Variants in SLC44A5 observed in about 807,000 individuals in gnomAD.
SLC44A5 encodes solute carrier family 44 member 5, also known as choline transporter-like protein 5.
In SLC44A5, 57 loss-of-function variants were observed where a neutral mutation model predicts 101.8. That is an observed-to-expected ratio of 0.56 (90% CI 0.45 to 0.70). The LOEUF (loss-of-function observed/expected upper bound fraction) is 0.70. Among genes scored for constraint, SLC44A5 ranks in the 30% least tolerant of loss-of-function variants. The pLI is 0.00. For missense variants in SLC44A5, 737 were observed against 853.1 expected, an observed-to-expected ratio of 0.86 and a Z score of 1.70; for synonymous variants, 281 against 290.9, an observed-to-expected ratio of 0.97 and a Z score of 0.35.
At chr1:75,264,413 T>C (rs1650818047) in intron 6 of SLC44A5, among the ~76,000 whole-genome samples, 1 of 152,242 alleles carries the variant, frequency 6.6e-6, no homozygotes, top group African/African-American at 2.4e-5. Context: ...GGACAACTTG[T>C]GTGATTATAA....
Position 75,203,228 on chromosome 1 carries a change from A to ATACT in SLC44A5, c.*495_*498dup, listed in dbSNP as rs1646692184. ...CAATTTGTTTAAGAGGAAACATTCTATACTTAAAGAGAGCAAACTCTCAAC... is the reference window on the plus strand; with the variant it reads ...CAATTTGTTTAAGAGGAAACATTCTATACTTACTTAAAGAGAGCAAACTCTCAAC... On this transcript the variant is annotated 3_prime_UTR_variant, in exon 24 of 24. Transcript: ENST00000370859. 1 of 152,224 alleles carries ATACT rather than the reference A, an allele frequency of 6.6e-6. No individual in the cohort carries two copies. The highest frequency in any genetic ancestry group is 1.5e-5 in the Non-Finnish European group (1 of 68,054). The allele number at this position is 152,224 out of a possible 1,614,324, so 9.4% of individuals were successfully genotyped here. A position where few individuals can be genotyped will look rare whatever the true frequency, so the allele number is the denominator to read the frequency against.
chr1:75,687,531 T>C, the SLC44A5 span, among the ~76,000 whole-genome samples: 1 of 152,132 alleles, frequency 6.6e-6, no homozygotes, highest in Non-Finnish European at 1.5e-5. Context: ...CTTGAACTCC[T>C]GACCTCAGGT....
the SLC44A5 span, among the ~76,000 whole-genome samples, chr1:75,679,484 A>C: frequency 1.3e-5 from 2 of 152,150 alleles, no homozygotes; most frequent in South Asian, 2.1e-4. Flanking sequence ...AAGAATTTTC[A>C]ACCCAGAATT....
rs1009096673 is a variant in SLC44A5, at chr1:75,234,081, A to T, written c.758T>A (p.Met253Lys). The change falls in exon 12 of 24, where the codon ATG becomes AAG. Residue 253 changes from methionine to lysine, a missense_variant. Met to Lys is a moderately conservative substitution (Grantham distance 95). Around this residue, in one of 3 missense-constraint regions of SLC44A5, gnomAD observed 665 missense variants for 764.4 expected, o/e 0.87. Transcript: ENST00000370859. ...TATCAAAAATATCCAACTAAGGACC[A>T]TGGCAATCGTCAGGCCACTAGAAAA... ...YWILIGLTIA[M>K]VLSWIFLILL... 1.2e-6 allele frequency: 2 copies of T among 1,613,104 alleles called. No homozygotes were observed. Among genetic ancestry groups the T allele is most frequent in the Non-Finnish European group, 1.7e-6 (2 of 1,179,340 alleles).
intron 2 of SLC44A5, among the ~76,000 whole-genome samples, chr1:75,431,859 A>G (rs1664633537): frequency 1.3e-5 from 2 of 152,156 alleles, no homozygotes; most frequent in Non-Finnish European, 2.9e-5. Flanking sequence ...TAATTTGCGT[A>G]TTTCCTAGTA....
At chr1:75,480,064 G>C (rs201035023) in intron 2 of SLC44A5, among the ~76,000 whole-genome samples, 1 of 151,878 alleles carries the variant, frequency 6.6e-6, no homozygotes, top group African/African-American at 2.4e-5. Flanking sequence ...ATGATCAAGT[G>C]GGCTTCATCC....
intron 1 of SLC44A5, among the ~76,000 whole-genome samples, chr1:75,604,426 T>C (rs1320460318): frequency 1.3e-5 from 2 of 152,156 alleles, no homozygotes; most frequent in Non-Finnish European, 2.9e-5. Flanking sequence ...CCTTACAATA[T>C]AGTTTGAAGC....
intron 6 of SLC44A5, among the ~76,000 whole-genome samples, chr1:75,262,959 T>C (rs1482626978): frequency 2.0e-5 from 3 of 151,770 alleles, no homozygotes; most frequent in Non-Finnish European, 3.0e-5. Context: ...ATCCCTTCTT[T>C]ACCTTATACA....
intron 1 of SLC44A5, among the ~76,000 whole-genome samples, chr1:75,601,294 A>G (rs1570717174): frequency 7.5e-6 from 1 of 133,602 alleles, no homozygotes; most frequent in East Asian, 2.5e-4. Context: ...CAAACACCGC[A>G]TGTTCTCACT....
chr1:75,469,397 TG>T (rs537588921), intron 2 of SLC44A5, among the ~76,000 whole-genome samples: 5 of 152,312 alleles, frequency 3.3e-5, no homozygotes, highest in South Asian at 2.1e-4. Context: ...TGTAACACCA[TG>T]TGCCACTTAA....
the SLC44A5 span, among the ~76,000 whole-genome samples, chr1:75,680,313 T>G: frequency 1.3e-5 from 2 of 151,816 alleles, no homozygotes; most frequent in Non-Finnish European, 2.9e-5. Flanking sequence ...ATATACATTT[T>G]TTTCAGCACC....
chr1:75,593,906 T>C (rs1674496030), intron 1 of SLC44A5, among the ~76,000 whole-genome samples: 1 of 151,762 alleles, frequency 6.6e-6, no homozygotes, highest in Non-Finnish European at 1.5e-5. Context: ...GTGGGGATAG[T>C]TAATAGGTAC....
chr1:75,307,358 C>T (rs949289195), intron 4 of SLC44A5, among the ~76,000 whole-genome samples: 5 of 152,162 alleles, frequency 3.3e-5, no homozygotes, highest in Non-Finnish European at 5.9e-5. Context: ...TCATCTGTTA[C>T]TGCTCTGATT....
chr1:75,577,544 G>A (rs211755), intron 1 of SLC44A5, among the ~76,000 whole-genome samples: 145,786 of 152,284 alleles, frequency 0.96, 69,816 homozygotes, highest in East Asian at 0.97. Flanking sequence ...TCACAGTCTC[G>A]GTGAGCCCTT....
intron 2 of SLC44A5, among the ~76,000 whole-genome samples, chr1:75,429,262 C>T (rs955598448): frequency 1.3e-5 from 2 of 152,182 alleles, no homozygotes; most frequent in Non-Finnish European, 2.9e-5. Context: ...TAATGTGCCC[C>T]TCTAGGTAGC....
intron 3 of SLC44A5, among the ~76,000 whole-genome samples, chr1:75,341,952 G>C (rs1307650505): frequency 1.3e-5 from 2 of 152,244 alleles, no homozygotes; most frequent in African/African-American, 4.8e-5. Flanking sequence ...CCCACTAACT[G>C]ACTCTGATGC....
chr1:75,470,877 A>G (rs1667070246), intron 2 of SLC44A5, among the ~76,000 whole-genome samples: 2 of 152,138 alleles, frequency 1.3e-5, no homozygotes, highest in South Asian at 4.1e-4. Flanking sequence ...CTCTAGAACA[A>G]TGGATAGCTA....
At chr1:75,357,699 G>A (rs573322220) in intron 3 of SLC44A5, among the ~76,000 whole-genome samples, 1 of 152,182 alleles carries the variant, frequency 6.6e-6, no homozygotes, top group East Asian at 1.9e-4. Flanking sequence ...GAAAACTTGG[G>A]ATAGAAAATC....
Position 75,203,134 on chromosome 1 carries a change from G to C in SLC44A5, c.*593C>G, listed in dbSNP as rs1056737222. The C allele has an allele frequency of 6.6e-6, 1 of 152,096 alleles. No homozygotes were observed. The highest frequency in any genetic ancestry group is 2.1e-4 in the South Asian group (1 of 4,818). 9.4% of individuals were successfully genotyped at this position (152,096 alleles called of 1,614,324 possible). A position where few individuals can be genotyped will look rare whatever the true frequency, so the allele number is the denominator to read the frequency against. On this transcript the variant is annotated 3_prime_UTR_variant, in exon 24 of 24. Coordinates refer to ENST00000370859, the MANE Select transcript of SLC44A5 (RefSeq NM_001130058.2). The stretch of plus-strand genomic sequence containing the variant: ...AATGTTTGTAAACTTGCCCATAAAA[G>C]CTGGGTAATATTAAATAGCCAGTAA...
Sources: allele counts gnomAD v4.1 joint callset (sites outside exome capture counted in the v4.1 genomes callset), GRCh38; gene constraint gnomAD v4.1.1; regional missense constraint gnomAD v4.1.1; transcripts MANE v1.5; gene names NCBI Gene and HGNC (gene_info 2026-07-23, HGNC 2026-07-21).